ELAVL2: variants seen among roughly 807,000 people sequenced by gnomAD.
ELAVL2 encodes the protein ELAV like RNA binding protein 2.
ELAVL2 carries 4 observed loss-of-function variants against 34.6 expected under a neutral mutation model. The observed-to-expected ratio is 0.12, with a 90% confidence interval of 0.06 to 0.26. The LOEUF is 0.26. Among genes scored for constraint, ELAVL2 ranks in the 10% least tolerant of loss-of-function variants. The pLI is 1.00. For missense variants in ELAVL2, 432 were observed against 442.8 expected (o/e 0.98, Z 0.22); for synonymous variants, 193 against 154.8 (o/e 1.25, Z -1.83).
intron 3 of ELAVL2, among the ~76,000 whole-genome samples, chr9:23,721,726 G>A (rs1302876920): frequency 6.6e-6 from 1 of 152,132 alleles, no homozygotes; most frequent in Non-Finnish European, 1.5e-5. Context: ...AACATGACAA[G>A]GGGGAAGGAT....
chr9:23,752,781 A>G (rs2052468644), intron 2 of ELAVL2, among the ~76,000 whole-genome samples: 1 of 152,130 alleles, frequency 6.6e-6, no homozygotes, highest in African/African-American at 2.4e-5. Flanking sequence ...CACAGCTTAA[A>G]TACTTCTGTC....
chr9:23,821,720 G>C (rs1202489993), intron 1 of ELAVL2: 1 of 152,010 alleles, frequency 6.6e-6, no homozygotes, highest in Non-Finnish European at 1.5e-5. Flanking sequence ...GCGGCGGCGG[G>C]AAAGGGGACT....
chr9:23,737,747 A>G (rs2048236146), intron 2 of ELAVL2, among the ~76,000 whole-genome samples: 1 of 152,208 alleles, frequency 6.6e-6, no homozygotes, highest in African/African-American at 2.4e-5. Flanking sequence ...AAAGAATAAA[A>G]GCCGTGTGAA....
chr9:23,719,352 G>A (rs984147286), intron 3 of ELAVL2, among the ~76,000 whole-genome samples: 3 of 152,134 alleles, frequency 2.0e-5, no homozygotes, highest in Non-Finnish European at 1.5e-5. Flanking sequence ...AAAGTACAAA[G>A]GTGAGAGGGG....
intron 2 of ELAVL2, among the ~76,000 whole-genome samples, chr9:23,734,100 G>GTA (rs2047253403): frequency 6.6e-6 from 1 of 152,262 alleles, no homozygotes; most frequent in African/African-American, 2.4e-5. Flanking sequence ...ATGAAAGGGG[G>GTA]TATCTGCTAT....
intron 5 of ELAVL2, among the ~76,000 whole-genome samples, chr9:23,697,054 G>A (rs2035516181): frequency 6.6e-6 from 1 of 152,072 alleles, no homozygotes; most frequent in Non-Finnish European, 1.5e-5. Context: ...ATCATCGAAG[G>A]GGAGAGGCGG....
At chr9:23,773,051 C>A (rs2057582393) in intron 1 of ELAVL2, among the ~76,000 whole-genome samples, 1 of 151,928 alleles carries the variant, frequency 6.6e-6, no homozygotes, top group Non-Finnish European at 1.5e-5. Context: ...TGGTTATTTA[C>A]TACATTTCAA....
chr9:23,829,452 TAAA>T (rs1397799840), upstream of ELAVL2, among the ~76,000 whole-genome samples: 2 of 152,176 alleles, frequency 1.3e-5, no homozygotes, highest in Admixed American at 1.3e-4. Flanking sequence ...TGTAAGTAAA[TAAA>T]GAAGTTAAAC....
chr9:23,719,933 C>G (rs2134026377), intron 3 of ELAVL2, among the ~76,000 whole-genome samples: 1 of 148,654 alleles, frequency 6.7e-6, no homozygotes, highest in East Asian at 2.0e-4. Context: ...TCAAGGGATT[C>G]TCCTGCCTCA....
Position 23,705,197 on chromosome 9 carries a change from G to C in ELAVL2, c.334-126C>G, listed in dbSNP as rs796918651. 4 of 1,013,412 alleles carry C rather than the reference G, an allele frequency of 3.9e-6. No individual in the cohort carries two copies. The African/African-American group carries it at 4.9e-5, about 12-fold the overall frequency. 62.8% of individuals were successfully genotyped at this position (1,013,412 alleles called of 1,614,324 possible). ...AGAACACTGAAGTTCAAGCAAGTCA[G>C]GTGCTAACTGCTTTATTCATTTCCA... On this transcript the variant is annotated intron_variant, in intron 3 of 6. Transcript: ENST00000397312.
chr9:23,804,486 T>C (rs1564534643), intron 1 of ELAVL2, among the ~76,000 whole-genome samples: 2 of 152,240 alleles, frequency 1.3e-5, no homozygotes, highest in Non-Finnish European at 2.9e-5. Flanking sequence ...TTACAGATAC[T>C]ATATAATAGA....
intron 1 of ELAVL2, chr9:23,783,457 G>A (rs2059321884): frequency 1.0e-6 from 1 of 985,136 alleles, no homozygotes; most frequent in Non-Finnish European, 1.2e-6. Context: ...ACTACAAAGT[G>A]GCCATGCACT....
the ELAVL2 span, among the ~76,000 whole-genome samples, chr9:23,845,200 C>T: frequency 6.6e-6 from 1 of 151,516 alleles, no homozygotes; most frequent in Non-Finnish European, 1.5e-5. Context: ...AATAACTTTC[C>T]CTTTTAGCTT....
chr9:23,713,589 C>T (rs1010923341), intron 3 of ELAVL2, among the ~76,000 whole-genome samples: 1 of 152,132 alleles, frequency 6.6e-6, no homozygotes, highest in Non-Finnish European at 1.5e-5. Context: ...AGAAAATTGT[C>T]AGTAGTGGTT....
upstream of ELAVL2, among the ~76,000 whole-genome samples, chr9:23,830,553 A>G (rs1424301197): frequency 6.7e-6 from 1 of 149,970 alleles, no homozygotes; most frequent in Admixed American, 6.7e-5. Flanking sequence ...TGTCGCGGTA[A>G]ATCTTTGAGA....
chr9:23,786,802 A>AAAAG (rs1554747169), intron 1 of ELAVL2, among the ~76,000 whole-genome samples: 1 of 127,336 alleles, frequency 7.9e-6, no homozygotes, highest in Admixed American at 8.1e-5. Context: ...AAAAAAAAAA[A>AAAAG]AGAGAGAGAG....
intron 1 of ELAVL2, among the ~76,000 whole-genome samples, chr9:23,780,466 T>C (rs966514303): frequency 5.9e-5 from 9 of 152,230 alleles, no homozygotes; most frequent in Non-Finnish European, 1.3e-4. Flanking sequence ...GTTTATAATA[T>C]TGAATCCTAT....
chr9:23,696,125 T>G (rs1334070712), intron 5 of ELAVL2, among the ~76,000 whole-genome samples: 1 of 152,180 alleles, frequency 6.6e-6, no homozygotes. Flanking sequence ...AGTTATCCAC[T>G]CTAATCTTTC....
At chr9:23,708,920 G>A (rs1360688487) in intron 3 of ELAVL2, among the ~76,000 whole-genome samples, 1 of 152,126 alleles carries the variant, frequency 6.6e-6, no homozygotes, top group South Asian at 2.1e-4. Flanking sequence ...TTACAGGCAT[G>A]AGCCACCACG....
Sources: gnomAD v4.1 joint callset for allele counts (sites outside exome capture counted in the v4.1 genomes callset) on GRCh38, gnomAD v4.1.1 for gene constraint, MANE v1.5 for transcripts, NCBI Gene and HGNC (gene_info 2026-07-23, HGNC 2026-07-21) for gene names.